Variants in PID1 observed in about 807,000 individuals in gnomAD.
PID1 encodes the protein PTB-containing, cubilin and LRP1-interacting protein.
Under a neutral mutation model 19.1 loss-of-function variants are expected in PID1, and 10 were observed. The observed-to-expected ratio is 0.52, with a 90% confidence interval of 0.32 to 0.89. The LOEUF is 0.89. Ranked by LOEUF, PID1 falls within the 40% of genes least tolerant of loss-of-function variation. The pLI, the probability that PID1 is intolerant of heterozygous loss-of-function variation, is 0.03. For synonymous variants in PID1, 130 were observed against 116.0 expected, an observed-to-expected ratio of 1.12 and a Z score of -0.78; for missense variants, 248 against 285.3, an observed-to-expected ratio of 0.87 and a Z score of 0.94.
At chr2:229,106,273 T>C (rs908405246) in intron 2 of PID1, among the ~76,000 whole-genome samples, 1 of 152,126 alleles carries the variant, frequency 6.6e-6, no homozygotes, top group Non-Finnish European at 1.5e-5. Context: ...CAGTAACTAT[T>C]CATTATTTCT....
chr2:229,033,050 C>A (rs1693588708), intron 2 of PID1, among the ~76,000 whole-genome samples: 1 of 152,146 alleles, frequency 6.6e-6, no homozygotes, highest in Admixed American at 6.5e-5. Flanking sequence ...TGTGGCAAAA[C>A]AAACTTGGTT....
intron 1 of PID1, among the ~76,000 whole-genome samples, chr2:229,219,728 A>G (rs1306980630): frequency 6.6e-6 from 1 of 151,930 alleles, no homozygotes; most frequent in Non-Finnish European, 1.5e-5. Context: ...TCATAGAGAC[A>G]GAGTCTCAAT....
intron 1 of PID1, among the ~76,000 whole-genome samples, chr2:229,257,002 AAC>A (rs901110890): frequency 5.9e-5 from 9 of 152,210 alleles, no homozygotes; most frequent in Admixed American, 4.6e-4. Context: ...TCCACTGTTT[AAC>A]AGTCTGAATG....
rs552837870 is a variant in PID1, at chr2:229,144,292, G to A, written c.177+11526C>T. On this transcript the variant is annotated intron_variant, in intron 2 of 2. Transcript: ENST00000392055. ...GAAGTCCCTAACTTACAGAAGGAGC[G>A]CAGCTGACCCAGAGACAGAGTCTAC... Among the ~76,000 whole-genome samples the A allele has an allele frequency of 6.6e-5, 10 of 152,228 alleles. No homozygotes were observed. In the South Asian group the frequency reaches 1.0e-3, roughly 16 times the overall value.
At chr2:229,155,329 G>C (rs562959979) in intron 2 of PID1, among the ~76,000 whole-genome samples, 2 of 152,068 alleles carry the variant, frequency 1.3e-5, no homozygotes, top group African/African-American at 4.8e-5. Flanking sequence ...CACTTTGGGA[G>C]GCTGAGGTGG....
chr2:229,185,253 C>A (rs1691102537), intron 1 of PID1, among the ~76,000 whole-genome samples: 1 of 151,732 alleles, frequency 6.6e-6, no homozygotes. Context: ...CAGAAGAGAG[C>A]TTTTCTAAGC....
chr2:229,206,974 T>C (rs1691623133), intron 1 of PID1, among the ~76,000 whole-genome samples: 1 of 152,140 alleles, frequency 6.6e-6, no homozygotes, highest in Non-Finnish European at 1.5e-5. Context: ...TGATGCAAAT[T>C]CTGCTCTCCT....
intron 2 of PID1, among the ~76,000 whole-genome samples, chr2:229,028,937 T>A (rs28514777): frequency 0.011 from 1,663 of 151,932 alleles, 38 homozygotes; most frequent in African/African-American, 0.039. Context: ...AGCGGCTCAC[T>A]CAATTTATAT....
At chr2:229,262,306 T>C (rs1433128001) in intron 1 of PID1, among the ~76,000 whole-genome samples, 2 of 152,338 alleles carry the variant, frequency 1.3e-5, no homozygotes, top group East Asian at 3.9e-4. Context: ...CTGAAGCTCA[T>C]GTACCATATT....
At chr2:229,255,055 A>T (rs1690256784) in intron 1 of PID1, among the ~76,000 whole-genome samples, 1 of 152,176 alleles carries the variant, frequency 6.6e-6, no homozygotes, top group Non-Finnish European at 1.5e-5. Context: ...AATAGTTATC[A>T]ATAGAGTTCA....
intron 1 of PID1, among the ~76,000 whole-genome samples, chr2:229,193,784 GAA>G (rs557216036): frequency 7.2e-6 from 1 of 138,190 alleles, no homozygotes; most frequent in Non-Finnish European, 1.6e-5. Context: ...GCCTTATTGG[GAA>G]AAAAAAAAAA....
At chr2:229,062,457 A>G (rs12105612) in intron 2 of PID1, among the ~76,000 whole-genome samples, 26,272 of 151,806 alleles carry the variant, frequency 0.17, 4,584 homozygotes, top group African/African-American at 0.44. Flanking sequence ...GCTTGATCAC[A>G]TTTAACAATC....
intron 1 of PID1, among the ~76,000 whole-genome samples, chr2:229,219,487 C>A (rs952018972): frequency 1.1e-4 from 17 of 152,162 alleles, no homozygotes; most frequent in Admixed American, 3.3e-4. Flanking sequence ...TGGGTCCCTC[C>A]CACAAAATGT....
intron 2 of PID1, among the ~76,000 whole-genome samples, chr2:229,062,120 A>G (rs945617910): frequency 1.3e-5 from 2 of 151,978 alleles, no homozygotes; most frequent in African/African-American, 4.8e-5. Context: ...AACTTTCAAT[A>G]CTATGCTGAG....
chr2:229,130,801 C>A (rs1689722650), intron 2 of PID1, among the ~76,000 whole-genome samples: 1 of 152,112 alleles, frequency 6.6e-6, no homozygotes, highest in Admixed American at 6.6e-5. Flanking sequence ...CTGGGTCTGC[C>A]AGAAATGAAG....
chr2:229,054,231 G>A (rs1308231880), intron 2 of PID1, among the ~76,000 whole-genome samples: 2 of 151,964 alleles, frequency 1.3e-5, no homozygotes, highest in African/African-American at 2.4e-5. Flanking sequence ...AAAAGACCAG[G>A]CTTAATAAGG....
chr2:229,271,149 G>T lies in PID1; in HGVS notation c.-106C>A. The stretch of plus-strand genomic sequence containing the variant: ...TTACATCTGGGGTCGGTGTCCGCGG[G>T]ATGTGCGTCCTGGCGCTGGCCACCG... On this transcript the variant is annotated 5_prime_UTR_variant, in exon 1 of 3. Transcript: ENST00000392055. 1 of 1,306,420 alleles carries T rather than the reference G, an allele frequency of 7.7e-7. No homozygotes were observed. The highest frequency in any genetic ancestry group is 1.1e-6 in the Non-Finnish European group (1 of 946,708). 80.9% of individuals were successfully genotyped at this position (1,306,420 alleles called of 1,614,324 possible).
intron 2 of PID1, among the ~76,000 whole-genome samples, chr2:229,045,388 A>G (rs903298304): frequency 2.0e-5 from 3 of 152,394 alleles, no homozygotes; most frequent in Admixed American, 6.5e-5. Flanking sequence ...AACATAATAA[A>G]GATGTCCATG....
intron 2 of PID1, among the ~76,000 whole-genome samples, chr2:229,109,803 C>A (rs1391165899): frequency 6.6e-6 from 1 of 152,200 alleles, no homozygotes; most frequent in African/African-American, 2.4e-5. Context: ...TAAATAGCAG[C>A]TGCATATATT....
Sources: allele counts gnomAD v4.1 joint callset (sites outside exome capture counted in the v4.1 genomes callset), GRCh38; gene constraint gnomAD v4.1.1; transcripts MANE v1.5; gene names NCBI Gene and HGNC (gene_info 2026-07-23, HGNC 2026-07-21).